Variants in DAB2 observed in about 807,000 individuals in gnomAD.
DAB2 encodes the protein DAB adaptor protein 2, also known as disabled homolog 2.
A neutral mutation model predicts 71.6 loss-of-function variants in DAB2; 28 were observed. That is an observed-to-expected ratio of 0.39 (90% CI 0.29 to 0.54). DAB2 has a LOEUF of 0.54. DAB2 is among the 20% of genes least tolerant of loss of function. The probability of loss-of-function intolerance (pLI) is 0.68; values close to 1 mark genes in which losing one functional copy is unlikely to be tolerated. For missense variants in DAB2, 867 were observed against 928.8 expected, an observed-to-expected ratio of 0.93 and a Z score of 0.86; for synonymous variants, 345 against 339.7, an observed-to-expected ratio of 1.02 and a Z score of -0.17.
At chr5:39,391,553 G>A (rs1258758932) in intron 4 of DAB2, among the ~76,000 whole-genome samples, 2 of 152,120 alleles carry the variant, frequency 1.3e-5, no homozygotes, top group Non-Finnish European at 2.9e-5. Flanking sequence ...ACTCTAGAAA[G>A]GGATGAATAG....
chr5:39,403,273 G>C (rs1755541434), intron 1 of DAB2, among the ~76,000 whole-genome samples: 1 of 152,074 alleles, frequency 6.6e-6, no homozygotes, highest in Admixed American at 6.5e-5. Context: ...TAGCTGGAGG[G>C]GACAAAGCTG....
intron 1 of DAB2, among the ~76,000 whole-genome samples, chr5:39,405,687 A>G (rs969108315): frequency 1.3e-5 from 2 of 152,316 alleles, no homozygotes. Context: ...GGAGGTTGCT[A>G]GGCACCTATG....
chr5:39,407,710 T>C (rs1311186391), intron 1 of DAB2, among the ~76,000 whole-genome samples: 1 of 152,240 alleles, frequency 6.6e-6, no homozygotes, highest in Non-Finnish European at 1.5e-5. Flanking sequence ...CGCATATGCA[T>C]ATAAATCCTA....
intron 1 of DAB2, among the ~76,000 whole-genome samples, chr5:39,413,257 T>C (rs1304287790): frequency 6.6e-6 from 1 of 152,186 alleles, no homozygotes; most frequent in African/African-American, 2.4e-5. Flanking sequence ...AGGCTTTTAA[T>C]TGAAAGGTTA....
chr5:39,378,850 A>T (rs1317400162), intron 11 of DAB2, among the ~76,000 whole-genome samples: 3 of 152,232 alleles, frequency 2.0e-5, no homozygotes, highest in Non-Finnish European at 2.9e-5. Flanking sequence ...GTTAATTCAA[A>T]TACTTATTTC....
At chr5:39,397,865 A>G (rs1007743084) in intron 1 of DAB2, among the ~76,000 whole-genome samples, 3 of 152,228 alleles carry the variant, frequency 2.0e-5, no homozygotes, top group African/African-American at 7.2e-5. Context: ...CAAGAACTGC[A>G]ACAATATATT....
At position 39,375,078 on chromosome 5, in the gene DAB2, A is replaced by T. The variant is rs769520093; in HGVS notation, c.2254T>A (p.Ser752Thr). ...SFGSSQASVA[S>T]SQPVSSEMYR... Reference sequence around the variant, plus strand: ...ATCTCAGAAGATACAGGTTGAGAAGAAGCCACCTAAGAAGATAAAATCATC... The same window carrying T: ...ATCTCAGAAGATACAGGTTGAGAAGTAGCCACCTAAGAAGATAAAATCATC... The change falls in exon 14 of 15, where the codon TCT becomes ACT. Residue 752 changes from serine (S) to threonine (T), a missense_variant. Ser to Thr is a moderately conservative substitution (Grantham distance 58). Transcript: ENST00000320816. 2 of 1,608,968 alleles carry T rather than the reference A, an allele frequency of 1.2e-6. No homozygotes were observed. The highest frequency in any genetic ancestry group is 1.7e-6 in the Non-Finnish European group (2 of 1,176,522).
intron 13 of DAB2, 66 bp from the exon 14 acceptor site, chr5:39,375,150 G>T: frequency 8.3e-7 from 1 of 1,200,092 alleles, no homozygotes. Context: ...TCGCAATGAA[G>T]ACTTCCAAAA....
chr5:39,382,832 C>A lies in DAB2; in HGVS notation c.1127G>T (p.Arg376Ile). The change falls in exon 10 of 15, where the codon AGA becomes ATA. Residue 376 changes from arginine (R) to isoleucine (I), a missense_variant. Physicochemically the swap from Arg to Ile is moderately conservative, Grantham distance 97. This residue lies in a region of DAB2 where 740 missense variants were observed against 734.3 expected (regional missense o/e 1.01). Coordinates refer to ENST00000320816, the MANE Select transcript of DAB2 (RefSeq NM_001343.4). ...TCTTTCAGATACCCCATTTTGAGTTCTCACTGCTGGCTGGGTTTGCGAACT... is the reference window on the plus strand; with the variant it reads ...TCTTTCAGATACCCCATTTTGAGTTATCACTGCTGGCTGGGTTTGCGAACT... The part of the protein sequence containing the change: ...FSSSQTQPAV[R>I]TQNGVSEREQ... 6.2e-7 allele frequency: 1 copy of A among 1,614,158 alleles called. No homozygotes were observed. Among genetic ancestry groups the A allele is most frequent in the African/African-American group, 1.3e-5 (1 of 75,040 alleles).
At chr5:39,412,936 C>A (rs900862113) in intron 1 of DAB2, among the ~76,000 whole-genome samples, 1 of 152,064 alleles carries the variant, frequency 6.6e-6, no homozygotes, top group African/African-American at 2.4e-5. Flanking sequence ...AATAGCAATG[C>A]GTAAAAGATA....
intron 1 of DAB2, among the ~76,000 whole-genome samples, chr5:39,411,176 T>C (rs1305534599): frequency 6.6e-6 from 1 of 152,182 alleles, no homozygotes; most frequent in East Asian, 1.9e-4. Flanking sequence ...GAGTGTCAGC[T>C]GAGACCTCTT....
chr5:39,409,509 G>A (rs1755674445), intron 1 of DAB2, among the ~76,000 whole-genome samples: 1 of 152,134 alleles, frequency 6.6e-6, no homozygotes, highest in Admixed American at 6.5e-5. Context: ...CTTAATATCA[G>A]AATTTTGCTT....
intron 9 of DAB2, chr5:39,385,058 C>T (rs1387417924): frequency 6.6e-6 from 1 of 151,790 alleles, no homozygotes; most frequent in Non-Finnish European, 1.5e-5. Context: ...AAAATCAGAC[C>T]TAAATGGTAA....
At position 39,389,091 on chromosome 5, in the gene DAB2, T is replaced by G. The variant is rs1000540193; in HGVS notation, c.570+6A>C. On this transcript the variant is annotated splice_donor_region_variant and intron_variant, in intron 7 of 14. Coordinates refer to ENST00000320816, the MANE Select transcript of DAB2 (RefSeq NM_001343.4). ...TGATTAACAAGAAGTAAAGATGCAA[T>G]TTTACCTCAACTGCTTTGCTGGCTT... 6.2e-7 allele frequency: 1 copy of G among 1,612,646 alleles called. No homozygotes were observed. Among genetic ancestry groups the G allele is most frequent in the African/African-American group, 1.3e-5 (1 of 74,996 alleles).
At chr5:39,381,252 C>A (rs1754973574) in intron 11 of DAB2, among the ~76,000 whole-genome samples, 1 of 152,096 alleles carries the variant, frequency 6.6e-6, no homozygotes, top group Non-Finnish European at 1.5e-5. Flanking sequence ...TCTCATGCTG[C>A]CTCGAGGAGC....
chr5:39,404,886 G>A (rs994698193), intron 1 of DAB2, among the ~76,000 whole-genome samples: 2 of 152,180 alleles, frequency 1.3e-5, no homozygotes, highest in Admixed American at 6.5e-5. Context: ...GCCTTTAGAC[G>A]GGGCAGTGCC....
Position 39,389,882 on chromosome 5 carries a change from A to G in DAB2, c.513T>C (p.Asn171=), listed in dbSNP as rs200010239. 1.0e-5 allele frequency: 16 copies of G among 1,593,074 alleles called. No homozygotes were observed. The East Asian group carries it at 2.5e-4, about 25-fold the overall frequency. Residue 171 remains asparagine, a synonymous_variant, in exon 6 of 15, where the codon AAT becomes AAC. Transcript: ENST00000320816. Reference sequence around the variant, plus strand: ...TCTTTTCTTCTTCCTTTTTCTTTACATTATAGATAACTTGAAAAAGGTCTT... The same window carrying G: ...TCTTTTCTTCTTCCTTTTTCTTTACGTTATAGATAACTTGAAAAAGGTCTT... ...DLKDLFQVIY[N]VKKKEEEKKK...
At chr5:39,411,466 G>A (rs560106506) in intron 1 of DAB2, among the ~76,000 whole-genome samples, 1 of 152,090 alleles carries the variant, frequency 6.6e-6, no homozygotes, top group Non-Finnish European at 1.5e-5. Context: ...TGATTAGATA[G>A]GGGCTCCATT....
At position 39,386,124 on chromosome 5, in the gene DAB2, T is replaced by TAA. The variant is rs1252850235; in HGVS notation, c.687+2179_687+2180dup. Among the ~76,000 whole-genome samples the TAA allele has an allele frequency of 1.4e-4, 22 of 152,372 alleles. No individual in the cohort carries two copies. In the South Asian group the frequency reaches 4.1e-3, roughly 29 times the overall value. ...AGTAACTGTGCTTTCAAGTGGTTGT[T>TAA]AAAGTTGCAGAACATGGGTTTTTAT... On this transcript the variant is annotated intron_variant, in intron 9 of 14. Transcript: ENST00000320816.
Sources: gnomAD v4.1 joint callset for allele counts (sites outside exome capture counted in the v4.1 genomes callset) on GRCh38, gnomAD v4.1.1 for gene constraint, gnomAD v4.1.1 regional missense constraint, MANE v1.5 for transcripts, NCBI Gene and HGNC (gene_info 2026-07-23, HGNC 2026-07-21) for gene names.